The following DLG2 variants were observed in gnomAD, a reference collection of about 807,000 sequenced individuals.
DLG2 encodes discs large MAGUK scaffold protein 2.
DLG2 carries 45 observed loss-of-function variants against 132.5 expected under a neutral mutation model. The ratio of observed to expected loss-of-function variants is 0.34; its 90% CI spans 0.27 to 0.44. The LOEUF (loss-of-function observed/expected upper bound fraction) is 0.44, where lower values mean the gene tolerates loss of function less well. Among genes scored for constraint, DLG2 ranks in the 20% least tolerant of loss-of-function variants. The pLI is 1.00. For synonymous variants in DLG2, 424 were observed against 419.6 expected (o/e 1.01, Z -0.13); for missense variants, 1,045 against 1,196.9 (o/e 0.87, Z 1.87).
At chr11:84,701,390 C>T (rs1355219151) in intron 6 of DLG2, among the ~76,000 whole-genome samples, 3 of 151,540 alleles carry the variant, frequency 2.0e-5, no homozygotes, top group Non-Finnish European at 3.0e-5. Flanking sequence ...GTACTTCTGC[C>T]TTTCTTCATT....
chr11:83,764,675 AC>A lies in DLG2; in HGVS notation c.1825+22014del, dbSNP rs371984994. Among the ~76,000 whole-genome samples the A allele has an allele frequency of 5.4e-4, 83 of 152,358 alleles. No individual in the cohort carries two copies. In the East Asian group the frequency reaches 0.013, roughly 25 times the overall value. The stretch of plus-strand genomic sequence containing the variant: ...ATTTTATTAATAAAGAGACTGATAC[AC>A]CAAGAGGTGAAGTGCCTTTCCCAGG... On this transcript the variant is annotated intron_variant, in intron 18 of 27. Coordinates refer to ENST00000376104, the MANE Select transcript of DLG2 (RefSeq NM_001142699.3).
Position 83,541,903 on chromosome 11 carries a change from G to C in DLG2, c.1941-45C>G, listed in dbSNP as rs1232966052. ...AGGACATTGTTAGGAATCTCTGGCA[G>C]CACAGATTTAGGATTTATGGTTTCA... On this transcript the variant is annotated intron_variant, in intron 19 of 27. Coordinates refer to ENST00000376104, the MANE Select transcript of DLG2 (RefSeq NM_001142699.3). 6 of 1,528,182 alleles carry C rather than the reference G, an allele frequency of 3.9e-6. No homozygotes were observed. The African/African-American group carries it at 8.3e-5, about 21-fold the overall frequency. 94.7% of individuals were successfully genotyped at this position (1,528,182 alleles called of 1,614,324 possible). A position where few individuals can be genotyped will look rare whatever the true frequency, so the allele number is the denominator to read the frequency against.
chr11:84,045,186 G>T (rs937151857), intron 11 of DLG2, among the ~76,000 whole-genome samples: 2 of 151,632 alleles, frequency 1.3e-5, no homozygotes, highest in African/African-American at 4.8e-5. Flanking sequence ...TTTATAACCA[G>T]CCCTTCCTTA....
chr11:84,743,203 A>G (rs567453817), intron 6 of DLG2, among the ~76,000 whole-genome samples: 76 of 152,292 alleles, frequency 5.0e-4, no homozygotes, highest in African/African-American at 1.7e-3. Flanking sequence ...AAACCAGTAC[A>G]TTGACATTGG....
intron 3 of DLG2, among the ~76,000 whole-genome samples, chr11:85,497,222 A>G (rs1184977876): frequency 6.6e-6 from 1 of 152,070 alleles, no homozygotes; most frequent in Non-Finnish European, 1.5e-5. Flanking sequence ...GCCAGTGTAG[A>G]GAAGAACTTA....
chr11:84,887,589 G>A (rs563745487), intron 6 of DLG2, among the ~76,000 whole-genome samples: 6 of 152,118 alleles, frequency 3.9e-5, no homozygotes, highest in African/African-American at 1.2e-4. Context: ...ACACATAAAC[G>A]TCCAGTCCAC....
intron 6 of DLG2, among the ~76,000 whole-genome samples, chr11:84,855,156 T>A (rs1332677322): frequency 6.6e-6 from 1 of 152,042 alleles, no homozygotes; most frequent in Non-Finnish European, 1.5e-5. Context: ...ATCATGTTTC[T>A]GCCCCATGTT....
chr11:83,550,275 G>A (rs375544885), intron 19 of DLG2, among the ~76,000 whole-genome samples: 15 of 152,110 alleles, frequency 9.9e-5, no homozygotes, highest in African/African-American at 3.4e-4. Context: ...GTATAATCAG[G>A]GAAGAAGCAT....
chr11:84,911,099 C>A (rs1258345299), intron 6 of DLG2, among the ~76,000 whole-genome samples: 2 of 151,960 alleles, frequency 1.3e-5, no homozygotes, highest in Admixed American at 1.3e-4. Flanking sequence ...TTATAATATT[C>A]TAGAATTCAC....
chr11:84,872,032 C>G (rs992682930), intron 6 of DLG2, among the ~76,000 whole-genome samples: 2 of 152,192 alleles, frequency 1.3e-5, no homozygotes, highest in Non-Finnish European at 2.9e-5. Flanking sequence ...TAAATGTTCA[C>G]TAACAAGTTT....
At chr11:84,265,509 A>G (rs373255013) in intron 7 of DLG2, among the ~76,000 whole-genome samples, 2 of 152,176 alleles carry the variant, frequency 1.3e-5, no homozygotes, top group South Asian at 2.1e-4. Flanking sequence ...GTCCTACTAC[A>G]TTATGTCTTA....
chr11:84,923,510 T>C, intron 6 of DLG2: 1 of 1,031,738 alleles, frequency 9.7e-7, no homozygotes, highest in Non-Finnish European at 1.2e-6. Flanking sequence ...ATTTAACCAA[T>C]GAGTTACTTA....
At position 83,770,265 on chromosome 11, in the gene DLG2, G is replaced by GTTTTTTTTTTTTTTTTTTTTTTTTTT. The variant is rs71066064; in HGVS notation, c.1825+16424_1825+16425insAAAAAAAAAAAAAAAAAAAAAAAAAA. ...CTCGTGGTGTCTGGTGTTTTTTTTT[G>GTTTTTTTTTTTTTTTTTTTTTTTTTT]TTTTTTTGCTTTTTGTACAAAGATT... On this transcript the variant is annotated intron_variant, in intron 18 of 27. Transcript: ENST00000376104. Among the ~76,000 whole-genome samples the GTTTTTTTTTTTTTTTTTTTTTTTTTT allele has an allele frequency of 1.5e-4, 19 of 128,738 alleles. 2 individuals carry two copies. Among genetic ancestry groups the GTTTTTTTTTTTTTTTTTTTTTTTTTT allele is most frequent in the African/African-American group, 3.6e-4 (11 of 30,508 alleles). The allele number at this position is 128,738 out of a possible 152,430, so 84.5% of individuals were successfully genotyped here. A position where few individuals can be genotyped will look rare whatever the true frequency, so the allele number is the denominator to read the frequency against.
At chr11:85,163,779 T>C (rs763226192) in intron 4 of DLG2, among the ~76,000 whole-genome samples, 5 of 152,196 alleles carry the variant, frequency 3.3e-5, no homozygotes, top group Non-Finnish European at 7.4e-5. Flanking sequence ...AACCACCCTA[T>C]AGCTGAGTTG....
intron 4 of DLG2, among the ~76,000 whole-genome samples, chr11:85,222,798 A>AT (rs891725797): frequency 8.6e-5 from 13 of 151,892 alleles, no homozygotes; most frequent in Admixed American, 1.3e-4. Flanking sequence ...GCCTTCTGAG[A>AT]TTTTTTTTTC....
intron 10 of DLG2, among the ~76,000 whole-genome samples, chr11:84,073,259 C>T (rs559516531): frequency 1.5e-3 from 234 of 152,150 alleles, no homozygotes; most frequent in Non-Finnish European, 2.9e-3. Flanking sequence ...CTCATCTCAT[C>T]TCTTTCCTCC....
intron 11 of DLG2, among the ~76,000 whole-genome samples, chr11:84,033,294 G>A (rs148561182): frequency 6.6e-6 from 1 of 152,278 alleles, no homozygotes; most frequent in Non-Finnish European, 1.5e-5. Context: ...ACAAAAACAG[G>A]AGTTTGAAAA....
At chr11:85,557,046 A>C (rs1426194700) in intron 3 of DLG2, among the ~76,000 whole-genome samples, 1 of 151,832 alleles carries the variant, frequency 6.6e-6, no homozygotes, top group Non-Finnish European at 1.5e-5. Context: ...GAAAACTCTA[A>C]AGATTCTACC....
chr11:83,973,747 C>T (rs1172239897), intron 12 of DLG2, among the ~76,000 whole-genome samples: 1 of 151,914 alleles, frequency 6.6e-6, no homozygotes, highest in African/African-American at 2.4e-5. Context: ...CCCCAGAAAT[C>T]CAGATTTGAT....
Sources: gnomAD v4.1 joint callset for allele counts (sites outside exome capture counted in the v4.1 genomes callset) on GRCh38, gnomAD v4.1.1 for gene constraint, MANE v1.5 for transcripts, NCBI Gene and HGNC (gene_info 2026-07-23, HGNC 2026-07-21) for gene names.